PTPRT: variants seen among roughly 807,000 people sequenced by gnomAD.
PTPRT encodes receptor-type tyrosine-protein phosphatase T.
PTPRT carries 56 observed loss-of-function variants against 176.8 expected under a neutral mutation model. The ratio of observed to expected loss-of-function variants is 0.32; its 90% CI spans 0.26 to 0.40. The LOEUF is 0.40. PTPRT is among the 10% of genes least tolerant of loss of function. PTPRT has a pLI of 1.00. For synonymous variants in PTPRT, 783 were observed against 739.0 expected, an observed-to-expected ratio of 1.06 and a Z score of -0.96; for missense variants, 1,540 against 1,908.2, an observed-to-expected ratio of 0.81 and a Z score of 3.60.
At chr20:42,264,068 G>A (rs1367046932) in intron 13 of PTPRT, among the ~76,000 whole-genome samples, 1 of 152,154 alleles carries the variant, frequency 6.6e-6, no homozygotes, top group Non-Finnish European at 1.5e-5. Flanking sequence ...GAGAAGGCAA[G>A]GATGATGCTT....
chr20:43,097,338 G>A (rs1316055517), intron 1 of PTPRT, among the ~76,000 whole-genome samples: 5 of 152,128 alleles, frequency 3.3e-5, no homozygotes, highest in African/African-American at 7.2e-5. Flanking sequence ...TAAACCAGAT[G>A]GACCTTCCAG....
chr20:42,153,255 A>C (rs965976552), intron 17 of PTPRT, among the ~76,000 whole-genome samples: 4 of 152,162 alleles, frequency 2.6e-5, no homozygotes, highest in African/African-American at 9.7e-5. Flanking sequence ...GTGCACAATA[A>C]ATACTCAGTC....
At chr20:43,022,222 A>G (rs1985713330) in intron 1 of PTPRT, among the ~76,000 whole-genome samples, 1 of 152,242 alleles carries the variant, frequency 6.6e-6, no homozygotes, top group African/African-American at 2.4e-5. Context: ...CCAGATAATC[A>G]ATGGGGATAA....
At chr20:42,268,030 C>T (rs1429376771) in intron 13 of PTPRT, among the ~76,000 whole-genome samples, 3 of 152,166 alleles carry the variant, frequency 2.0e-5, no homozygotes, top group African/African-American at 7.2e-5. Context: ...CGAATGCCAG[C>T]CTGTCCCTGC....
chr20:42,068,943 G>T (rs1427631598), downstream of PTPRT, among the ~76,000 whole-genome samples: 1 of 152,192 alleles, frequency 6.6e-6, no homozygotes, highest in Non-Finnish European at 1.5e-5. Flanking sequence ...ACATGTATCT[G>T]TTAGGCTCTT....
intron 1 of PTPRT, among the ~76,000 whole-genome samples, chr20:43,086,975 CAT>C (rs2011624158): frequency 6.6e-6 from 1 of 152,202 alleles, no homozygotes; most frequent in Admixed American, 6.5e-5. Context: ...TCTTGACAAA[CAT>C]ATACAATTGT....
At chr20:42,412,207 T>A (rs1968372018) in intron 9 of PTPRT, among the ~76,000 whole-genome samples, 1 of 152,136 alleles carries the variant, frequency 6.6e-6, no homozygotes, top group African/African-American at 2.4e-5. Context: ...AACTTTGAAG[T>A]TCAGTGGTAC....
At chr20:42,156,249 C>G (rs991863370) in intron 17 of PTPRT, among the ~76,000 whole-genome samples, 6 of 152,204 alleles carry the variant, frequency 3.9e-5, no homozygotes, top group African/African-American at 1.4e-4. Context: ...TCTGGATATA[C>G]CTCTATGGTG....
chr20:42,922,337 G>A (rs946102930), intron 1 of PTPRT, among the ~76,000 whole-genome samples: 20 of 152,078 alleles, frequency 1.3e-4, no homozygotes, highest in African/African-American at 4.8e-4. Flanking sequence ...TCTCTTCTAA[G>A]TCCCAACCCT....
At chr20:42,589,021 G>A (rs1166280392) in intron 7 of PTPRT, among the ~76,000 whole-genome samples, 1 of 152,128 alleles carries the variant, frequency 6.6e-6, no homozygotes, top group Non-Finnish European at 1.5e-5. Context: ...TGTCCTAGAG[G>A]AAATGACACA....
intron 1 of PTPRT, among the ~76,000 whole-genome samples, chr20:43,104,945 C>T (rs544051933): frequency 5.3e-5 from 8 of 152,212 alleles, no homozygotes; most frequent in Non-Finnish European, 8.8e-5. Flanking sequence ...GTTTCTCACA[C>T]AGAATATTGT....
intron 1 of PTPRT, among the ~76,000 whole-genome samples, chr20:42,932,957 A>C (rs894019496): frequency 6.6e-6 from 1 of 152,046 alleles, no homozygotes. Context: ...CCTCATTCTC[A>C]CCTCTTCCAA....
intron 7 of PTPRT, among the ~76,000 whole-genome samples, chr20:42,539,937 CT>C (rs1455476783): frequency 6.6e-6 from 1 of 152,028 alleles, no homozygotes; most frequent in African/African-American, 2.4e-5. Flanking sequence ...CATCCAAATA[CT>C]AAAGTTCCAG....
intron 1 of PTPRT, among the ~76,000 whole-genome samples, chr20:42,970,501 G>A (rs1183663396): frequency 1.3e-5 from 2 of 152,124 alleles, no homozygotes; most frequent in Admixed American, 1.3e-4. Context: ...ATAGTTATGC[G>A]ACCTTGACAA....
chr20:42,410,308 A>G (rs975998251), intron 9 of PTPRT, among the ~76,000 whole-genome samples: 2 of 152,156 alleles, frequency 1.3e-5, no homozygotes, highest in African/African-American at 4.8e-5. Flanking sequence ...TTCCATCTAG[A>G]TAATAATGTA....
intron 1 of PTPRT, among the ~76,000 whole-genome samples, chr20:43,118,629 G>A (rs11086861): frequency 0.19 from 29,066 of 151,978 alleles, 4,760 homozygotes; most frequent in African/African-American, 0.45. Flanking sequence ...TAGTAGAGAC[G>A]GGGTTTCACC....
intron 1 of PTPRT, among the ~76,000 whole-genome samples, chr20:43,000,095 G>A (rs865854433): frequency 1.5e-3 from 178 of 116,392 alleles, no homozygotes; most frequent in Middle Eastern, 9.3e-3. Flanking sequence ...GGGAGGGAGG[G>A]AGGGAATAAA....
At position 42,821,447 on chromosome 20, in the gene PTPRT, C is replaced by A. The variant is rs565543112; in HGVS notation, c.215-29981G>T. On this transcript the variant is annotated intron_variant, in intron 2 of 30. Coordinates refer to ENST00000373187, the MANE Select transcript of PTPRT (RefSeq NM_007050.6). ...AGAGCTATTTATGACAAACCCACAGCCAATATCTTATTGAACGGGCAAAAG... is the reference window on the plus strand; with the variant it reads ...AGAGCTATTTATGACAAACCCACAGACAATATCTTATTGAACGGGCAAAAG... Among the ~76,000 whole-genome samples, 4 of 152,256 alleles carry A rather than the reference C, an allele frequency of 2.6e-5. No homozygotes were observed. In the South Asian group the frequency reaches 8.3e-4, roughly 32 times the overall value.
In PTPRT at chr20:42,104,628, A is replaced by T. The variant is rs779305073; in HGVS notation, c.3481T>A (p.Tyr1161Asn). 6.2e-7 allele frequency: 1 copy of T among 1,610,236 alleles called. No individual in the cohort carries two copies. Among genetic ancestry groups the T allele is most frequent in the Non-Finnish European group, 8.5e-7 (1 of 1,176,464 alleles). Residue 1161 changes from tyrosine to asparagine, a missense_variant, in exon 25 of 31, where the codon TAC (tyrosine) becomes AAC (asparagine). Physicochemically the swap from Tyr to Asn is moderately radical, Grantham distance 143. This residue lies in a region of PTPRT where 342 missense variants were observed against 394.0 expected (regional missense o/e 0.87). Coordinates refer to ENST00000373187, the MANE Select transcript of PTPRT (RefSeq NM_007050.6). ...TGGGGGTCCAGCCTGCTGATATTGTAGTAGAGAGAACGGAACTCACACACA... is the reference window on the plus strand; with the variant it reads ...TGGGGGTCCAGCCTGCTGATATTGTTGTAGAGAGAACGGAACTCACACACA... ...IPVCEFRSLY[Y>N]NISRLDPQTN...
Sources: gnomAD v4.1 joint callset for allele counts (sites outside exome capture counted in the v4.1 genomes callset) on GRCh38, gnomAD v4.1.1 for gene constraint, gnomAD v4.1.1 regional missense constraint, MANE v1.5 for transcripts, NCBI Gene and HGNC (gene_info 2026-07-23, HGNC 2026-07-21) for gene names.